Variants in DEDD2 observed in about 807,000 individuals in gnomAD.
The protein encoded by DEDD2 is death effector domain containing 2.
In DEDD2, 18 loss-of-function variants were observed where a neutral mutation model predicts 28.9. That is an observed-to-expected ratio of 0.62 (90% CI 0.43 to 0.92). DEDD2 has a LOEUF of 0.92. Ranked by LOEUF, DEDD2 falls within the 40% of genes least tolerant of loss-of-function variation. DEDD2 has a pLI of 0.00. For synonymous variants in DEDD2, 211 were observed against 206.1 expected, an observed-to-expected ratio of 1.02 and a Z score of -0.20; for missense variants, 411 against 463.3, an observed-to-expected ratio of 0.89 and a Z score of 1.04.
At chr19:42,219,479 G>A (rs539037402), upstream of DEDD2, among the ~76,000 whole-genome samples, 11 of 152,132 alleles carry the variant, frequency 7.2e-5, no homozygotes, top group African/African-American at 2.7e-4. Flanking sequence ...GTGGACACCT[G>A]TAATCCCAAC....
chr19:42,215,612 G>C (rs185527548), intron 2 of DEDD2, among the ~76,000 whole-genome samples: 34 of 152,278 alleles, frequency 2.2e-4, no homozygotes, highest in African/African-American at 7.7e-4. Flanking sequence ...TCTAGAGCGT[G>C]ATCTTCAGAC....
chr19:42,204,889 T>G (rs996640315), intron 4 of DEDD2, among the ~76,000 whole-genome samples: 2 of 152,144 alleles, frequency 1.3e-5, no homozygotes, highest in African/African-American at 4.8e-5. Flanking sequence ...ATGGAAAGTT[T>G]TTCAACTCCT....
At chr19:42,205,195 A>G (rs1320720140) in intron 4 of DEDD2, among the ~76,000 whole-genome samples, 1 of 152,258 alleles carries the variant, frequency 6.6e-6, no homozygotes, top group Admixed American at 6.5e-5. Flanking sequence ...TTAGAAAAAT[A>G]CAACGCAAGG....
chr19:42,200,125 C>G (rs2035273922), intron 4 of DEDD2, among the ~76,000 whole-genome samples: 1 of 152,180 alleles, frequency 6.6e-6, no homozygotes, highest in Non-Finnish European at 1.5e-5. Context: ...CAAAAGCCAC[C>G]TTGCCAACAA....
rs1357626423 is a variant in DEDD2, at chr19:42,215,262, G to A, written c.329-10C>T. The A allele has an allele frequency of 1.9e-6, 3 of 1,613,652 alleles. No individual in the cohort carries two copies. The highest frequency in any genetic ancestry group is 1.7e-6 in the Non-Finnish European group (2 of 1,179,692). On this transcript the variant is annotated splice_polypyrimidine_tract_variant and intron_variant, in intron 2 of 4. Transcript: ENST00000596251. ...TAGCGTTCTGGAGACACTGGAGGAA[G>A]AGAAGAACAGGAAGAAGCATTCAGC... is the stretch of plus-strand genomic sequence containing the variant.
chr19:42,218,240 C>T (rs1317216128), upstream of DEDD2, among the ~76,000 whole-genome samples: 73 of 151,382 alleles, frequency 4.8e-4, no homozygotes, highest in African/African-American at 1.7e-3. Context: ...GCCCCCCCAC[C>T]ACCACCCCCG....
rs369972221 is a variant in DEDD2, at chr19:42,199,454, G to A, written c.965C>T (p.Pro322Leu). 2.1e-5 allele frequency: 33 copies of A among 1,606,524 alleles called. No individual in the cohort carries two copies. In the East Asian group the frequency reaches 3.4e-4, roughly 16 times the overall value. Reference sequence around the variant, plus strand: ...AGTCCTGGATCAGGAGGCCTCTGTCGGGCGCCGCCCCCCTTCCTCCTCCAT... The same window carrying A: ...AGTCCTGGATCAGGAGGCCTCTGTCAGGCGCCGCCCCCCTTCCTCCTCCAT... ...LLMEEEGGRR[P>L]TEAS The change falls in exon 5 of 5, where the codon CCG becomes CTG. Residue 322 changes from proline (P) to leucine (L), a missense_variant. Pro to Leu is a moderately conservative substitution (Grantham distance 98). This residue lies in a region of DEDD2 where 129 missense variants were observed against 189.9 expected (regional missense o/e 0.68). Transcript: ENST00000596251. This position sits in a 1 kb window ranked among gnomAD's most constrained non-coding sequence, Gnocchi z 7.4.
chr19:42,216,479 C>A (rs1416571480), intron 2 of DEDD2, among the ~76,000 whole-genome samples: 1 of 152,284 alleles, frequency 6.6e-6, no homozygotes, highest in Non-Finnish European at 1.5e-5. Flanking sequence ...TGGCCAAAAT[C>A]ATCATCACTG....
rs756187600 is a variant in DEDD2 at position 42,199,391 on chromosome 19, A to T, written c.*47T>A. 2.7e-6 allele frequency: 4 copies of T among 1,508,378 alleles called. No homozygotes were observed. Among genetic ancestry groups the T allele is most frequent in the Admixed American group, 2.2e-5 (1 of 45,212 alleles). The allele number at this position is 1,508,378 out of a possible 1,614,324, so 93.4% of individuals were successfully genotyped here. A position where few individuals can be genotyped will look rare whatever the true frequency, so the allele number is the denominator to read the frequency against. ...TAGAGATGGTCGTCCTCCCAGGAGA[A>T]GGTGGCCCGGAGACTTGGAGGTGGG... On this transcript the variant is annotated 3_prime_UTR_variant, in exon 5 of 5. Coordinates refer to ENST00000596251, the MANE Select transcript of DEDD2 (RefSeq NM_133328.4). This position sits in a 1 kb window ranked among gnomAD's most constrained non-coding sequence, Gnocchi z 7.4.
chr19:42,218,002 C>T (rs578013508), upstream of DEDD2, among the ~76,000 whole-genome samples: 2 of 152,334 alleles, frequency 1.3e-5, no homozygotes, highest in South Asian at 4.1e-4. Flanking sequence ...CTACTCATCT[C>T]ATAAACTACA....
chr19:42,216,537 A>T, intron 2 of DEDD2, 143 bp downstream of exon 2: 1 of 876,962 alleles, frequency 1.1e-6, no homozygotes, highest in Admixed American at 3.2e-5. Flanking sequence ...TATGTTGCTC[A>T]TTGATATTGT....
chr19:42,217,685 A>C (rs1348003991), upstream of DEDD2: 1 of 152,496 alleles, frequency 6.6e-6, no homozygotes, highest in Non-Finnish European at 1.5e-5. Flanking sequence ...CTTGTTTTGG[A>C]TCTTTCTGGC....
intron 3 of DEDD2, among the ~76,000 whole-genome samples, chr19:42,211,421 GA>G (rs2035756697): frequency 1.5e-5 from 2 of 137,666 alleles, no homozygotes. Flanking sequence ...GGAAGGGAGA[GA>G]GGGACGGAGG....
chr19:42,200,945 T>C (rs563949671), intron 4 of DEDD2, among the ~76,000 whole-genome samples: 138 of 152,260 alleles, frequency 9.1e-4, no homozygotes, highest in African/African-American at 3.2e-3. Context: ...TCACTTAGGC[T>C]AGTGACAGTA....
intron 4 of DEDD2, among the ~76,000 whole-genome samples, chr19:42,205,990 T>C (rs1011958970): frequency 5.3e-5 from 8 of 151,476 alleles, no homozygotes; most frequent in South Asian, 2.1e-4. Flanking sequence ...GAGGCTGAGG[T>C]TGGAGAATCA....
At chr19:42,215,089 G>A (rs2035912297) in intron 3 of DEDD2, 44 bp downstream of exon 3, 2 of 1,609,920 alleles carry the variant, frequency 1.2e-6, no homozygotes, top group Non-Finnish European at 1.7e-6. Context: ...CAATTCATAA[G>A]GAAAAGAGGG....
At chr19:42,213,444 T>C (rs796865086) in intron 3 of DEDD2, among the ~76,000 whole-genome samples, 2 of 152,154 alleles carry the variant, frequency 1.3e-5, no homozygotes, top group South Asian at 4.1e-4. Flanking sequence ...TAAATGTCCC[T>C]TCACAATGGA....
intron 4 of DEDD2, among the ~76,000 whole-genome samples, chr19:42,205,520 G>A (rs370944403): frequency 7.9e-5 from 12 of 152,006 alleles, no homozygotes; most frequent in African/African-American, 1.9e-4. Context: ...CTAGCTACTC[G>A]GGAGGCTGAG....
At chr19:42,200,461 G>A (rs763261322) in intron 4 of DEDD2, among the ~76,000 whole-genome samples, 1 of 152,242 alleles carries the variant, frequency 6.6e-6, no homozygotes, top group Non-Finnish European at 1.5e-5. Flanking sequence ...CAAACAATGA[G>A]ATTCACATGG....
Sources: allele counts gnomAD v4.1 joint callset (sites outside exome capture counted in the v4.1 genomes callset), GRCh38; gene constraint gnomAD v4.1.1; regional missense constraint gnomAD v4.1.1; non-coding constraint Gnocchi (gnomAD v3.1); transcripts MANE v1.5; gene names NCBI Gene and HGNC (gene_info 2026-07-23, HGNC 2026-07-21).